Variants in MAP3K4 observed in about 807,000 individuals in gnomAD.
MAP3K4 encodes MAP three kinase 1.
In MAP3K4, 67 loss-of-function variants were observed where a neutral mutation model predicts 185.6. The observed-to-expected ratio is 0.36, with a 90% confidence interval of 0.30 to 0.44. MAP3K4 has a LOEUF of 0.44. Among genes scored for constraint, MAP3K4 ranks in the 20% least tolerant of loss-of-function variants. The pLI, the probability that MAP3K4 is intolerant of heterozygous loss-of-function variation, is 1.00. For missense variants in MAP3K4, 1,551 were observed against 1,995.1 expected (o/e 0.78, Z 4.24); for synonymous variants, 702 against 710.4 (o/e 0.99, Z 0.19).
intron 6 of MAP3K4, among the ~76,000 whole-genome samples, chr6:161,083,202 C>T (rs1280404038): frequency 1.3e-5 from 2 of 152,154 alleles, no homozygotes; most frequent in East Asian, 1.9e-4. Context: ...GTTACCTTCT[C>T]GGTATATTTA....
chr6:161,045,398 G>T (rs1000090424), intron 2 of MAP3K4, among the ~76,000 whole-genome samples: 6 of 152,242 alleles, frequency 3.9e-5, no homozygotes, highest in Non-Finnish European at 8.8e-5. Flanking sequence ...AACAAGATTT[G>T]TATTTAACCT....
In MAP3K4 at chr6:161,017,178, TA is replaced by T. The variant is rs1157548244; in HGVS notation, c.153-17077del. On this transcript the variant is annotated intron_variant, in intron 1 of 26. Transcript: ENST00000392142. The surrounding 1 kb of genome is among the most constrained non-coding windows in gnomAD (Gnocchi z 5.1). The stretch of plus-strand genomic sequence containing the variant: ...AGGAAATGTTTAGGTTCTATACAGT[TA>T]AAATTATTCTTGGTAGAGGAGGGAT... 1.3e-5 allele frequency among the ~76,000 whole-genome samples: 2 copies of T among 152,200 alleles called. No homozygotes were observed. The highest frequency in any genetic ancestry group is 2.9e-5 in the Non-Finnish European group (2 of 68,026).
rs113619232 is a variant in MAP3K4 at position 161,107,048 on chromosome 6, GCGCACA to G, written c.4048+345_4048+350del. 0.088 allele frequency among the ~76,000 whole-genome samples: 12,369 copies of G among 141,038 alleles called. 871 individuals carry two copies. The highest frequency in any genetic ancestry group is 0.26 in the Admixed American group (3,679 of 14,416). The allele number at this position is 141,038 out of a possible 152,430, so 92.5% of individuals were successfully genotyped here. On this transcript the variant is annotated intron_variant, in intron 20 of 26. Coordinates refer to ENST00000392142, the MANE Select transcript of MAP3K4 (RefSeq NM_005922.4). This position sits in a 1 kb window ranked among gnomAD's most constrained non-coding sequence, Gnocchi z 6.2. ...TCTCTCTCTCTCTCTACACACGCGCGCGCACACACACACACACACACACACACACAC... is the reference window on the plus strand; with the variant it reads ...TCTCTCTCTCTCTCTACACACGCGCGCACACACACACACACACACACACAC...
Position 161,109,991 on chromosome 6 carries a change from C to T in MAP3K4, c.4396+77C>T, listed in dbSNP as rs1778272589. On this transcript the variant is annotated intron_variant, in intron 23 of 26. Coordinates refer to ENST00000392142, the MANE Select transcript of MAP3K4 (RefSeq NM_005922.4). The surrounding 1 kb of genome is among the most constrained non-coding windows in gnomAD (Gnocchi z 5.7). ...CCGTGGGAGGTGCTCTGAAGACGCTCATCCCATTCCCACATATGATTTCTC... is the reference window on the plus strand; with the variant it reads ...CCGTGGGAGGTGCTCTGAAGACGCTTATCCCATTCCCACATATGATTTCTC... 6.2e-6 allele frequency: 9 copies of T among 1,448,922 alleles called. No individual in the cohort carries two copies. The Admixed American group carries it at 9.0e-5, about 14-fold the overall frequency. 89.8% of individuals were successfully genotyped at this position (1,448,922 alleles called of 1,614,324 possible). A position where few individuals can be genotyped will look rare whatever the true frequency, so the allele number is the denominator to read the frequency against.
intron 1 of MAP3K4, among the ~76,000 whole-genome samples, chr6:161,014,807 T>A (rs938658455): frequency 6.6e-6 from 1 of 152,200 alleles, no homozygotes; most frequent in Non-Finnish European, 1.5e-5. Flanking sequence ...ATCAATGGTT[T>A]TAGTATATTC....
In MAP3K4 at chr6:161,072,323, C is replaced by T. The variant is rs111748809; in HGVS notation, c.1951-1143C>T. On this transcript the variant is annotated intron_variant, in intron 4 of 26. Coordinates refer to ENST00000392142, the MANE Select transcript of MAP3K4 (RefSeq NM_005922.4). ...CAAAATCAAAAATAATTGTAAAAAC[C>T]CTGTTATTCTGACATTCAGAGATAA... Among the ~76,000 whole-genome samples, 532 of 152,044 alleles carry T rather than the reference C, an allele frequency of 3.5e-3. 4 individuals are homozygous for T. The highest frequency in any genetic ancestry group is 0.012 in the African/African-American group (503 of 41,490).
chr6:161,107,570 A>T lies in MAP3K4; in HGVS notation c.4049-329A>T, dbSNP rs1562546018. On this transcript the variant is annotated intron_variant, in intron 20 of 26. Coordinates refer to ENST00000392142, the MANE Select transcript of MAP3K4 (RefSeq NM_005922.4). This position sits in a 1 kb window ranked among gnomAD's most constrained non-coding sequence, Gnocchi z 6.2. The stretch of plus-strand genomic sequence containing the variant: ...TCTGCTGCTCCCAGCCCCAGCCAAG[A>T]TCTCCTTGAGGGGTGTGAGGGCTCA... 6.6e-6 allele frequency among the ~76,000 whole-genome samples: 1 copy of T among 152,034 alleles called. No individual in the cohort carries two copies. The highest frequency in any genetic ancestry group is 2.4e-5 in the African/African-American group (1 of 41,390).
chr6:161,004,166 C>T (rs1435087317), intron 1 of MAP3K4, among the ~76,000 whole-genome samples: 2 of 152,032 alleles, frequency 1.3e-5, no homozygotes, highest in East Asian at 3.9e-4. Flanking sequence ...ATGTGAATAT[C>T]CAGTTGAAAA....
At chr6:161,060,248 G>T (rs757877753) in intron 3 of MAP3K4, among the ~76,000 whole-genome samples, 6 of 151,994 alleles carry the variant, frequency 3.9e-5, no homozygotes, top group Non-Finnish European at 8.8e-5. Flanking sequence ...CTATTATATG[G>T]TTACTTAGTG....
At position 161,063,975 on chromosome 6, in the gene MAP3K4, C is replaced by A. The variant is rs1279947204; in HGVS notation, c.1708-6633C>A. 6.6e-6 allele frequency among the ~76,000 whole-genome samples: 1 copy of A among 152,172 alleles called. No individual in the cohort carries two copies. The highest frequency in any genetic ancestry group is 1.9e-4 in the East Asian group (1 of 5,202). On this transcript the variant is annotated intron_variant, in intron 3 of 26. Transcript: ENST00000392142. The surrounding 1 kb of genome is among the most constrained non-coding windows in gnomAD (Gnocchi z 5.4). ...TTCTCTTTGGGGAGTCATGACCACCCCTTTTCATCTAGTTTTGTTGGAGGT... is the reference window on the plus strand; with the variant it reads ...TTCTCTTTGGGGAGTCATGACCACCACTTTTCATCTAGTTTTGTTGGAGGT...
chr6:161,025,348 C>T (rs1038604625), intron 1 of MAP3K4, among the ~76,000 whole-genome samples: 5 of 152,178 alleles, frequency 3.3e-5, no homozygotes, highest in African/African-American at 4.8e-5. Context: ...TCTTTCTGTG[C>T]CGTCAAAGCA....
intron 1 of MAP3K4, among the ~76,000 whole-genome samples, chr6:160,993,356 A>C (rs1273247633): frequency 6.6e-6 from 1 of 152,218 alleles, no homozygotes; most frequent in Non-Finnish European, 1.5e-5. Context: ...AGCAATTTTG[A>C]TACCTTTTTC....
Position 161,091,385 on chromosome 6 carries a change from G to A in MAP3K4, c.2980G>A (p.Ala994Thr), listed in dbSNP as rs747797898. The change falls in exon 12 of 27, where the codon GCA becomes ACA. Residue 994 changes from alanine (A) to threonine (T), a missense_variant. Coordinates refer to ENST00000392142, the MANE Select transcript of MAP3K4 (RefSeq NM_005922.4). This position sits in a 1 kb window ranked among gnomAD's most constrained non-coding sequence, Gnocchi z 5.5. ...CATGGTTTGGACTCTTCAGAATGAT[G>A]CATTGGAGCTATGCAACAGGATAAG... ...AKALQQLKND[A>T]LELCNRISNA... The A allele has an allele frequency of 8.7e-6, 14 of 1,613,188 alleles. 1 individual carries two copies. In the South Asian group the frequency reaches 1.5e-4, roughly 18 times the overall value.
At position 161,037,564 on chromosome 6, in the gene MAP3K4, A is replaced by G. The variant is rs1194866085; in HGVS notation, c.343+3115A>G. On this transcript the variant is annotated intron_variant, in intron 2 of 26. Coordinates refer to ENST00000392142, the MANE Select transcript of MAP3K4 (RefSeq NM_005922.4). This position sits in a 1 kb window ranked among gnomAD's most constrained non-coding sequence, Gnocchi z 4.2. ...CTCCCGAGTAGCTAGGACTACAGGC[A>G]TGCGCCACCATGCCCGACTAATTTT... Among the ~76,000 whole-genome samples the G allele has an allele frequency of 6.6e-6, 1 of 152,128 alleles. No homozygotes were observed. The highest frequency in any genetic ancestry group is 2.4e-5 in the African/African-American group (1 of 41,442).
chr6:161,019,694 C>T (rs1213578501), intron 1 of MAP3K4, among the ~76,000 whole-genome samples: 5 of 152,334 alleles, frequency 3.3e-5, no homozygotes, highest in Admixed American at 3.3e-4. Flanking sequence ...CAGGCGTGAG[C>T]TGTGGACCAC....
At position 161,048,288 on chromosome 6, in the gene MAP3K4, G is replaced by A. The variant is rs764705432; in HGVS notation, c.344-328G>A. The A allele has an allele frequency of 1.8e-6, 1 of 558,584 alleles. No individual in the cohort carries two copies. The highest frequency in any genetic ancestry group is 3.6e-6 in the Non-Finnish European group (1 of 277,778). 34.6% of individuals were successfully genotyped at this position (558,584 alleles called of 1,614,324 possible). A position where few individuals can be genotyped will look rare whatever the true frequency, so the allele number is the denominator to read the frequency against. ...CATGCTGTTTCTTCCTCCTTAAATTGAAGGTGATTACTTACGGAAATTTGG... is the reference window on the plus strand; with the variant it reads ...CATGCTGTTTCTTCCTCCTTAAATTAAAGGTGATTACTTACGGAAATTTGG... On this transcript the variant is annotated intron_variant, in intron 2 of 26. Coordinates refer to ENST00000392142, the MANE Select transcript of MAP3K4 (RefSeq NM_005922.4). This position sits in a 1 kb window ranked among gnomAD's most constrained non-coding sequence, Gnocchi z 4.7.
At position 161,017,746 on chromosome 6, in the gene MAP3K4, C is replaced by G. The variant is rs1782180849; in HGVS notation, c.153-16513C>G. ...ACAAAATTTCCTTTCTCCTTTGCTT[C>G]CTAAAGACACTGCTGTGTGATCCTA... On this transcript the variant is annotated intron_variant, in intron 1 of 26. Coordinates refer to ENST00000392142, the MANE Select transcript of MAP3K4 (RefSeq NM_005922.4). This position sits in a 1 kb window ranked among gnomAD's most constrained non-coding sequence, Gnocchi z 5.1. Among the ~76,000 whole-genome samples the G allele has an allele frequency of 6.6e-6, 1 of 152,104 alleles. No homozygotes were observed. Among genetic ancestry groups the G allele is most frequent in the Non-Finnish European group, 1.5e-5 (1 of 68,018 alleles).
intron 1 of MAP3K4, among the ~76,000 whole-genome samples, chr6:161,001,301 C>T (rs1302160241): frequency 1.3e-5 from 2 of 151,554 alleles, no homozygotes; most frequent in Non-Finnish European, 2.9e-5. Flanking sequence ...TAAATGTTAT[C>T]AAATAATTCA....
rs1783858728 is a variant in MAP3K4, at chr6:161,048,700, A to G, written c.428A>G (p.Glu143Gly). The change falls in exon 3 of 27, where the codon GAG becomes GGG. Residue 143 changes from glutamate (E) to glycine (G), a missense_variant. Transcript: ENST00000392142. This position sits in a 1 kb window ranked among gnomAD's most constrained non-coding sequence, Gnocchi z 4.7. ...ENVEEYSYKQ[E>G]KKIRAALRTT... ...GTGGAAGAATACAGCTATAAGCAGGAGAAAAAGATCCGAGCAGCTCTTAGA... is the reference window on the plus strand; with the variant it reads ...GTGGAAGAATACAGCTATAAGCAGGGGAAAAAGATCCGAGCAGCTCTTAGA... 6.2e-7 allele frequency: 1 copy of G among 1,614,070 alleles called. No individual in the cohort carries two copies.
Sources: gnomAD v4.1 joint callset for allele counts (sites outside exome capture counted in the v4.1 genomes callset) on GRCh38, gnomAD v4.1.1 for gene constraint, Gnocchi (gnomAD v3.1) non-coding constraint, MANE v1.5 for transcripts, NCBI Gene and HGNC (gene_info 2026-07-23, HGNC 2026-07-21) for gene names.